Variants in CRIM1 observed in about 807,000 individuals in gnomAD.
The protein encoded by CRIM1 is cysteine rich transmembrane BMP regulator 1, also known as cysteine-rich motor neuron 1 protein.
CRIM1 carries 32 observed loss-of-function variants against 116.4 expected under a neutral mutation model. The observed-to-expected ratio is 0.27, with a 90% CI of 0.21 to 0.37. CRIM1 has a LOEUF of 0.37. CRIM1 is among the 10% of genes least tolerant of loss of function. The pLI, the probability that CRIM1 is intolerant of heterozygous loss-of-function variation, is 1.00. For synonymous variants in CRIM1, 590 were observed against 509.2 expected, an observed-to-expected ratio of 1.16 and a Z score of -2.13; for missense variants, 1,331 against 1,354.8, an observed-to-expected ratio of 0.98 and a Z score of 0.28.
At chr2:36,513,999 A>G (rs1664872293) in intron 11 of CRIM1, among the ~76,000 whole-genome samples, 1 of 152,164 alleles carries the variant, frequency 6.6e-6, no homozygotes, top group Non-Finnish European at 1.5e-5. Flanking sequence ...TTTTTGAATG[A>G]TTGACTCAGT....
chr2:36,524,760 C>G (rs867365157), intron 13 of CRIM1, among the ~76,000 whole-genome samples: 4 of 152,142 alleles, frequency 2.6e-5, no homozygotes, highest in African/African-American at 7.2e-5. Context: ...TTAACAAATT[C>G]AAAATTATGA....
intron 4 of CRIM1, among the ~76,000 whole-genome samples, chr2:36,452,848 C>A (rs909192102): frequency 1.3e-5 from 2 of 152,104 alleles, no homozygotes; most frequent in East Asian, 1.9e-4. Context: ...CCGAGTCGGA[C>A]TGAGAGAAGG....
chr2:36,462,959 A>C (rs908907111), intron 4 of CRIM1, among the ~76,000 whole-genome samples: 1 of 152,214 alleles, frequency 6.6e-6, no homozygotes, highest in Non-Finnish European at 1.5e-5. Flanking sequence ...TCCTGCAGGA[A>C]TATAGCGTAT....
rs1572802570 is a variant in CRIM1 at position 36,467,292 on chromosome 2, A to G, written c.991+2637A>G. On this transcript the variant is annotated intron_variant, in intron 5 of 16. Coordinates refer to ENST00000280527, the MANE Select transcript of CRIM1 (RefSeq NM_016441.3). ...CCTGTAGAGGAGACTAGGAACTAATACTGTGAAGATTCATAATCCTACAGA... is the reference window on the plus strand; with the variant it reads ...CCTGTAGAGGAGACTAGGAACTAATGCTGTGAAGATTCATAATCCTACAGA... 3.3e-5 allele frequency among the ~76,000 whole-genome samples: 5 copies of G among 152,220 alleles called. No individual in the cohort carries two copies. In the South Asian group the frequency reaches 8.3e-4, roughly 25 times the overall value.
chr2:36,370,855 G>A (rs186559762), intron 1 of CRIM1, among the ~76,000 whole-genome samples: 2 of 152,190 alleles, frequency 1.3e-5, no homozygotes, highest in Admixed American at 1.3e-4. Context: ...AGTATAATAA[G>A]CATTTAACTT....
At chr2:36,362,466 A>C (rs150514697) in intron 1 of CRIM1, among the ~76,000 whole-genome samples, 20 of 152,324 alleles carry the variant, frequency 1.3e-4, no homozygotes, top group African/African-American at 3.8e-4. Flanking sequence ...TTAATGCTTT[A>C]GTAGCTGTGC....
chr2:36,404,897 A>C (rs3770922), intron 2 of CRIM1, among the ~76,000 whole-genome samples: 19,717 of 152,162 alleles, frequency 0.13, 1,598 homozygotes, highest in East Asian at 0.47. Flanking sequence ...TGGTAATATC[A>C]TGAGTTTTTT....
intron 4 of CRIM1, among the ~76,000 whole-genome samples, chr2:36,453,157 T>C (rs528549949): frequency 1.3e-5 from 2 of 152,356 alleles, no homozygotes; most frequent in South Asian, 4.1e-4. Context: ...TTCCCCATCA[T>C]TGTAGTTGCA....
At chr2:36,492,510 T>G (rs1178277819) in intron 7 of CRIM1, among the ~76,000 whole-genome samples, 2 of 152,170 alleles carry the variant, frequency 1.3e-5, no homozygotes, top group Non-Finnish European at 2.9e-5. Context: ...AGTAGAGTTT[T>G]CCCTCTAGCT....
intron 7 of CRIM1, among the ~76,000 whole-genome samples, chr2:36,496,405 G>A (rs1680595466): frequency 6.6e-6 from 1 of 152,104 alleles, no homozygotes; most frequent in Non-Finnish European, 1.5e-5. Context: ...GTTAAATATT[G>A]AGGGTATAAA....
At chr2:36,494,313 C>T (rs71437555) in intron 7 of CRIM1, among the ~76,000 whole-genome samples, 168 of 152,134 alleles carry the variant, frequency 1.1e-3, no homozygotes, top group Admixed American at 2.8e-3. Flanking sequence ...GTCTGAAGCT[C>T]TCTAATTTGT....
chr2:36,501,825 A>G (rs1251382604), intron 8 of CRIM1, among the ~76,000 whole-genome samples: 1 of 152,118 alleles, frequency 6.6e-6, no homozygotes, highest in African/African-American at 2.4e-5. Flanking sequence ...CTGACTTCCT[A>G]CACTTGATTC....
intron 1 of CRIM1, among the ~76,000 whole-genome samples, chr2:36,386,865 A>G (rs1409526393): frequency 6.6e-6 from 1 of 152,258 alleles, no homozygotes; most frequent in African/African-American, 2.4e-5. Flanking sequence ...AGAAGTTTCC[A>G]GTGCAGATGA....
chr2:36,412,221 T>C (rs1182138522), intron 2 of CRIM1, among the ~76,000 whole-genome samples: 1 of 146,550 alleles, frequency 6.8e-6, no homozygotes, highest in Non-Finnish European at 1.5e-5. Context: ...AACCAAGAAC[T>C]CCAGTAAGCA....
chr2:36,517,712 A>G (rs1665123660), intron 12 of CRIM1, among the ~76,000 whole-genome samples, 170 bp downstream of exon 12: 1 of 152,112 alleles, frequency 6.6e-6, no homozygotes, highest in African/African-American at 2.4e-5. Flanking sequence ...CTCTTTATCA[A>G]CCACCTATTT....
chr2:36,361,924 C>T (rs146944893), intron 1 of CRIM1, among the ~76,000 whole-genome samples: 4 of 152,098 alleles, frequency 2.6e-5, no homozygotes. Context: ...ACATTGAAAG[C>T]TTTCCTTCTC....
intron 16 of CRIM1, among the ~76,000 whole-genome samples, chr2:36,548,130 G>T (rs1334297094): frequency 6.6e-6 from 1 of 152,170 alleles, no homozygotes; most frequent in African/African-American, 2.4e-5. Context: ...GGCTGGCCCA[G>T]CCTATGATAG....
intron 1 of CRIM1, among the ~76,000 whole-genome samples, chr2:36,390,612 A>G (rs1160883058): frequency 6.6e-6 from 1 of 151,954 alleles, no homozygotes; most frequent in Non-Finnish European, 1.5e-5. Flanking sequence ...TGTTTTTAGT[A>G]CAGGGGCAAG....
chr2:36,500,675 A>G (rs773565817), intron 8 of CRIM1, among the ~76,000 whole-genome samples: 22 of 152,232 alleles, frequency 1.4e-4, no homozygotes, highest in Admixed American at 2.6e-4. Context: ...CACAACTTAT[A>G]TATCCTTATC....
Sources: gnomAD v4.1 joint callset for allele counts (sites outside exome capture counted in the v4.1 genomes callset) on GRCh38, gnomAD v4.1.1 for gene constraint, MANE v1.5 for transcripts, NCBI Gene and HGNC (gene_info 2026-07-23, HGNC 2026-07-21) for gene names.